Variants in ELAPOR2 observed in about 807,000 individuals in gnomAD.
The protein encoded by ELAPOR2 is endosome/lysosome-associated apoptosis and autophagy regulator family member 2.
In ELAPOR2, 89 loss-of-function variants were observed where a neutral mutation model predicts 120.7. The observed-to-expected ratio is 0.74, with a 90% CI of 0.62 to 0.88. The LOEUF (loss-of-function observed/expected upper bound fraction) is 0.88. Among genes scored for constraint, ELAPOR2 ranks in the 40% least tolerant of loss-of-function variants. The pLI, the probability that ELAPOR2 is intolerant of heterozygous loss-of-function variation, is 0.00. For synonymous variants in ELAPOR2, 444 were observed against 444.9 expected, an observed-to-expected ratio of 1.00 and a Z score of 0.03; for missense variants, 1,134 against 1,251.6, an observed-to-expected ratio of 0.91 and a Z score of 1.42.
intron 1 of ELAPOR2, among the ~76,000 whole-genome samples, chr7:87,039,969 G>T (rs1794715470): frequency 1.3e-5 from 2 of 152,192 alleles, no homozygotes; most frequent in South Asian, 2.1e-4. Flanking sequence ...AAGCGCAAGG[G>T]GTCAGGGAGT....
chr7:86,987,846 G>T (rs1410228549), intron 1 of ELAPOR2, among the ~76,000 whole-genome samples: 2 of 151,954 alleles, frequency 1.3e-5, no homozygotes, highest in Non-Finnish European at 2.9e-5. Flanking sequence ...CCTATTACTG[G>T]GTATATACCC....
intron 1 of ELAPOR2, among the ~76,000 whole-genome samples, chr7:87,005,707 C>T (rs748004960): frequency 6.6e-6 from 1 of 152,112 alleles, no homozygotes; most frequent in South Asian, 2.1e-4. Flanking sequence ...GTTGGAACAA[C>T]AGAATATCCA....
chr7:86,924,069 TCTTGTGA>T (rs934057361), intron 10 of ELAPOR2, among the ~76,000 whole-genome samples: 2 of 152,062 alleles, frequency 1.3e-5, no homozygotes, highest in Non-Finnish European at 2.9e-5. Flanking sequence ...TCACCCTCGT[TCTTGTGA>T]GTGCTGCTCC....
At chr7:86,899,554 T>A (rs1296659361) in intron 18 of ELAPOR2, among the ~76,000 whole-genome samples, 1 of 152,134 alleles carries the variant, frequency 6.6e-6, no homozygotes, top group Non-Finnish European at 1.5e-5. Context: ...AACTATAATA[T>A]TCAGTCTAAC....
chr7:86,966,073 C>A, intron 1 of ELAPOR2: 1 of 415,042 alleles, frequency 2.4e-6, no homozygotes, highest in Non-Finnish European at 3.2e-6. Flanking sequence ...GTTTATTTAA[C>A]AGTTCTTCCC....
At chr7:86,998,891 G>A (rs367790224) in intron 1 of ELAPOR2, among the ~76,000 whole-genome samples, 2 of 148,468 alleles carry the variant, frequency 1.3e-5, no homozygotes, top group East Asian at 2.0e-4. Context: ...GTAATGCCTC[G>A]TATCAACAGT....
At chr7:87,022,392 C>G (rs1358394546) in intron 1 of ELAPOR2, among the ~76,000 whole-genome samples, 1 of 151,920 alleles carries the variant, frequency 6.6e-6, no homozygotes, top group African/African-American at 2.4e-5. Flanking sequence ...CATCCATGTC[C>G]CTACAAAGGA....
At chr7:86,959,664 G>A (rs1791628058) in intron 2 of ELAPOR2, among the ~76,000 whole-genome samples, 1 of 152,146 alleles carries the variant, frequency 6.6e-6, no homozygotes, top group African/African-American at 2.4e-5. Context: ...GAATCCCAGT[G>A]ATAAATCCCA....
chr7:87,002,893 C>T (rs773620828), intron 1 of ELAPOR2, among the ~76,000 whole-genome samples: 1 of 152,134 alleles, frequency 6.6e-6, no homozygotes, highest in Non-Finnish European at 1.5e-5. Context: ...ATGAACCACA[C>T]TCCTTCAAAA....
intron 1 of ELAPOR2, among the ~76,000 whole-genome samples, chr7:87,016,093 A>T (rs1793857438): frequency 6.6e-6 from 1 of 152,166 alleles, no homozygotes; most frequent in South Asian, 2.1e-4. Flanking sequence ...AACAAATCTA[A>T]ATACTTGAAA....
At chr7:87,055,962 T>G (rs1795250231) in intron 1 of ELAPOR2, among the ~76,000 whole-genome samples, 1 of 152,228 alleles carries the variant, frequency 6.6e-6, no homozygotes. Flanking sequence ...ATTTACCAAA[T>G]GTAAATAATA....
chr7:86,881,174 AAG>A (rs1226184112), intron 21 of ELAPOR2, among the ~76,000 whole-genome samples: 6 of 152,230 alleles, frequency 3.9e-5, no homozygotes, highest in African/African-American at 1.4e-4. Context: ...GGAAAGGAGA[AAG>A]AGGAGATGGG....
intron 1 of ELAPOR2, chr7:86,965,730 A>G (rs2116486725): frequency 1.3e-6 from 1 of 741,502 alleles, no homozygotes; most frequent in Non-Finnish European, 1.6e-6. Context: ...ACTGAGAAGA[A>G]CCCAAACAAA....
chr7:87,046,884 T>C (rs1228776177), intron 1 of ELAPOR2, among the ~76,000 whole-genome samples: 4 of 152,118 alleles, frequency 2.6e-5, no homozygotes, highest in Non-Finnish European at 5.9e-5. Context: ...TGATACACTA[T>C]CCTAAGCAGA....
intron 18 of ELAPOR2, among the ~76,000 whole-genome samples, chr7:86,899,091 G>T (rs1009932371): frequency 1.3e-5 from 2 of 152,148 alleles, no homozygotes; most frequent in African/African-American, 4.8e-5. Context: ...TAGACACAGG[G>T]ATAGGATCAC....
chr7:86,905,456 A>G (rs1232623867), intron 18 of ELAPOR2, among the ~76,000 whole-genome samples: 2 of 152,194 alleles, frequency 1.3e-5, no homozygotes, highest in East Asian at 3.9e-4. Context: ...AGGTCAGCAC[A>G]TTTAAGCTGT....
Position 86,909,873 on chromosome 7 carries a change from T to A in ELAPOR2, c.2298A>T (p.Glu766Asp). The A allele has an allele frequency of 6.2e-7, 1 of 1,613,480 alleles. No individual in the cohort carries two copies. The highest frequency in any genetic ancestry group is 8.5e-7 in the Non-Finnish European group (1 of 1,179,592). Residue 766 changes from glutamate to aspartate, a missense_variant, in exon 16 of 22, where the codon GAA becomes GAT. Glu to Asp is a conservative substitution (Grantham distance 45). Coordinates refer to ENST00000450689, the MANE Select transcript of ELAPOR2 (RefSeq NM_001142749.3). ...ATAAGGCTGCTCGGAAACCCTTACT[T>A]TCAGAAGGAATAATTGTTGACTGGC... ...FVCQSTIIPS[E>D]SKGFRAALSS...
At chr7:86,914,925 T>C in intron 12 of ELAPOR2, 65 bp from the exon 13 acceptor site, 1 of 1,241,248 alleles carries the variant, frequency 8.1e-7, no homozygotes, top group Non-Finnish European at 1.1e-6. Flanking sequence ...TACCTGTGTA[T>C]ATATTACAAA....
intron 1 of ELAPOR2, among the ~76,000 whole-genome samples, chr7:87,018,716 G>A (rs1415246094): frequency 1.3e-5 from 2 of 152,158 alleles, no homozygotes; most frequent in Non-Finnish European, 2.9e-5. Context: ...CATATATTGT[G>A]GAAATGGGTT....
Sources: allele counts gnomAD v4.1 joint callset (sites outside exome capture counted in the v4.1 genomes callset), GRCh38; gene constraint gnomAD v4.1.1; transcripts MANE v1.5; gene names NCBI Gene and HGNC (gene_info 2026-07-23, HGNC 2026-07-21).